Variants in LRRC4C observed in about 807,000 individuals in gnomAD.
LRRC4C encodes the protein leucine-rich repeat-containing protein 4C.
A neutral mutation model predicts 33.6 loss-of-function variants in LRRC4C; 5 were observed. That is an observed-to-expected ratio of 0.15 (90% CI 0.08 to 0.31). The LOEUF (loss-of-function observed/expected upper bound fraction) is 0.31. LRRC4C is among the 10% of genes least tolerant of loss of function. The pLI is 1.00. For missense variants in LRRC4C, 560 were observed against 796.7 expected, an observed-to-expected ratio of 0.70 and a Z score of 3.58; for synonymous variants, 329 against 302.0, an observed-to-expected ratio of 1.09 and a Z score of -0.93.
intron 2 of LRRC4C, among the ~76,000 whole-genome samples, chr11:40,843,618 C>T (rs1260294179): frequency 6.6e-6 from 1 of 152,158 alleles, no homozygotes; most frequent in Non-Finnish European, 1.5e-5. Context: ...ACTAAGGAAT[C>T]TGTTATCTTA....
chr11:40,116,752 A>G (rs1855465370), intron 6 of LRRC4C, among the ~76,000 whole-genome samples: 1 of 152,218 alleles, frequency 6.6e-6, no homozygotes, highest in Admixed American at 6.5e-5. Flanking sequence ...AATAGCTGAC[A>G]TATTATATTG....
chr11:40,383,880 T>G (rs1343012024), intron 3 of LRRC4C, among the ~76,000 whole-genome samples: 1 of 150,676 alleles, frequency 6.6e-6, no homozygotes, highest in Non-Finnish European at 1.5e-5. Flanking sequence ...AGATAGGGTC[T>G]CTCCATGTTG....
chr11:41,436,586 A>C (rs1955437011), intron 1 of LRRC4C, among the ~76,000 whole-genome samples: 1 of 152,222 alleles, frequency 6.6e-6, no homozygotes, highest in African/African-American at 2.4e-5. Context: ...TATAGAAATG[A>C]CTGACCAGCC....
At chr11:41,116,485 G>C (rs1942132852) in intron 1 of LRRC4C, among the ~76,000 whole-genome samples, 1 of 152,096 alleles carries the variant, frequency 6.6e-6, no homozygotes, top group Non-Finnish European at 1.5e-5. Context: ...AGCAATTGAA[G>C]GTAGTATTGT....
At chr11:41,128,991 A>C (rs964642566) in intron 1 of LRRC4C, among the ~76,000 whole-genome samples, 8 of 152,022 alleles carry the variant, frequency 5.3e-5, no homozygotes, top group Admixed American at 1.3e-4. Context: ...TATATATAAA[A>C]GGTAACTATA....
intron 1 of LRRC4C, among the ~76,000 whole-genome samples, chr11:41,183,442 G>A (rs935967974): frequency 6.6e-6 from 1 of 152,144 alleles, no homozygotes; most frequent in East Asian, 1.9e-4. Context: ...AGGGGCTACA[G>A]GCCCCAGGGA....
At chr11:40,564,934 C>T (rs539656896) in intron 3 of LRRC4C, among the ~76,000 whole-genome samples, 39 of 152,238 alleles carry the variant, frequency 2.6e-4, no homozygotes, top group African/African-American at 8.4e-4. Context: ...TGTTGCCCAA[C>T]TGTAGCTTTC....
chr11:40,291,369 T>C (rs1240597378), intron 4 of LRRC4C, among the ~76,000 whole-genome samples: 1 of 152,194 alleles, frequency 6.6e-6, no homozygotes, highest in Non-Finnish European at 1.5e-5. Context: ...TTCAGCTGCT[T>C]TTTCTAAGTT....
intron 1 of LRRC4C, among the ~76,000 whole-genome samples, chr11:41,334,370 T>C (rs1205752173): frequency 2.0e-5 from 3 of 152,186 alleles, no homozygotes; most frequent in Non-Finnish European, 4.4e-5. Context: ...TGTTTCAGGT[T>C]TAAAACTGAA....
At chr11:40,120,422 TTCC>T in intron 6 of LRRC4C, among the ~76,000 whole-genome samples, 1 of 152,254 alleles carries the variant, frequency 6.6e-6, no homozygotes, top group South Asian at 2.1e-4. Context: ...CTATCTAAAT[TTCC>T]AGTAATCATG....
At chr11:40,527,965 C>T (rs1055251630) in intron 3 of LRRC4C, among the ~76,000 whole-genome samples, 2 of 151,966 alleles carry the variant, frequency 1.3e-5, no homozygotes, top group South Asian at 2.1e-4. Flanking sequence ...AGGCTGGTCT[C>T]GAACTCCTGA....
chr11:40,664,538 C>G (rs1591406590), intron 2 of LRRC4C, among the ~76,000 whole-genome samples: 1 of 111,904 alleles, frequency 8.9e-6, no homozygotes, highest in Middle Eastern at 5.2e-3. Context: ...GAGCGAGACT[C>G]TGTCTCAAAA....
chr11:40,447,495 A>C (rs1951691168), intron 3 of LRRC4C, among the ~76,000 whole-genome samples: 1 of 152,146 alleles, frequency 6.6e-6, no homozygotes, highest in Non-Finnish European at 1.5e-5. Flanking sequence ...ACTTTATATG[A>C]TATGGCTCTC....
intron 5 of LRRC4C, among the ~76,000 whole-genome samples, chr11:40,155,599 A>G (rs1464643099): frequency 1.3e-5 from 2 of 152,108 alleles, no homozygotes; most frequent in Non-Finnish European, 2.9e-5. Flanking sequence ...AAATTAGAAA[A>G]CCCAGAAGAG....
chr11:40,507,882 A>G (rs1955115939), intron 3 of LRRC4C, among the ~76,000 whole-genome samples: 1 of 151,900 alleles, frequency 6.6e-6, no homozygotes, highest in African/African-American at 2.4e-5. Context: ...TGGGATTACA[A>G]GCAGGCACCA....
At chr11:41,403,734 A>T (rs1252541409) in intron 1 of LRRC4C, among the ~76,000 whole-genome samples, 1 of 151,996 alleles carries the variant, frequency 6.6e-6, no homozygotes, top group Non-Finnish European at 1.5e-5. Context: ...ACGAGGGCTG[A>T]TTTTTGTCTT....
intron 4 of LRRC4C, among the ~76,000 whole-genome samples, chr11:40,279,888 T>C (rs1943356027): frequency 6.6e-6 from 1 of 152,190 alleles, no homozygotes; most frequent in Non-Finnish European, 1.5e-5. Context: ...CTGGGAGATA[T>C]AATTTCATTT....
chr11:40,767,781 A>G (rs911062622), intron 2 of LRRC4C, among the ~76,000 whole-genome samples: 2 of 152,042 alleles, frequency 1.3e-5, no homozygotes, highest in African/African-American at 4.8e-5. Context: ...AATAAAAATG[A>G]AAATGCAACA....
At chr11:40,850,726 C>T (rs1953442261) in intron 2 of LRRC4C, among the ~76,000 whole-genome samples, 1 of 152,324 alleles carries the variant, frequency 6.6e-6, no homozygotes, top group African/African-American at 2.4e-5. Context: ...AAGTTGTACC[C>T]ACAGCCGCCC....
Sources: allele counts gnomAD v4.1 joint callset (sites outside exome capture counted in the v4.1 genomes callset), GRCh38; gene constraint gnomAD v4.1.1; transcripts MANE v1.5; gene names NCBI Gene and HGNC (gene_info 2026-07-23, HGNC 2026-07-21).